The following TREM1 variants were observed in gnomAD, a reference collection of about 807,000 sequenced individuals.
TREM1 encodes triggering receptor expressed on monocytes 1.
Under a neutral mutation model 22.4 loss-of-function variants are expected in TREM1, and 16 were observed. The ratio of observed to expected loss-of-function variants is 0.71; its 90% CI spans 0.48 to 1.08. The LOEUF (loss-of-function observed/expected upper bound fraction) is 1.08, where lower values mean the gene tolerates loss of function less well. Ranked by LOEUF, TREM1 falls within the 50% of genes least tolerant of loss-of-function variation. TREM1 has a pLI of 0.00. For synonymous variants in TREM1, 110 were observed against 111.6 expected, an observed-to-expected ratio of 0.99 and a Z score of 0.09; for missense variants, 283 against 282.9, an observed-to-expected ratio of 1.00 and a Z score of 0.00.
At chr6:41,272,515 G>T (rs529605158), downstream of TREM1, among the ~76,000 whole-genome samples, 657 of 152,282 alleles carry the variant, frequency 4.3e-3, 4 homozygotes, top group Non-Finnish European at 4.8e-3. Flanking sequence ...CACTCAGGAA[G>T]TGTGGCAGAC....
rs145353466 is a variant in TREM1 at position 41,268,483 on chromosome 6, C to A, written c.600-395G>T. On this transcript the variant is annotated intron_variant, in intron 3 of 3. Coordinates refer to the TREM1 transcript ENST00000589614. Reference sequence around the variant, plus strand: ...CAATGATGGATTCATACCAGAAGGACCAAGCCATCCACTGGTGCCTGAATT... The same window carrying A: ...CAATGATGGATTCATACCAGAAGGAACAAGCCATCCACTGGTGCCTGAATT... Among the ~76,000 whole-genome samples, 721 of 152,300 alleles carry A rather than the reference C, an allele frequency of 4.7e-3. 3 individuals carry two copies. Among genetic ancestry groups the A allele is most frequent in the African/African-American group, 0.015 (608 of 41,552 alleles).
intron 3 of TREM1, chr6:41,280,757 G>A (rs1169389172): frequency 2.1e-6 from 3 of 1,444,450 alleles, no homozygotes; most frequent in Non-Finnish European, 2.7e-6. Flanking sequence ...GAACTGGGGA[G>A]AAGGACAGCC....
chr6:41,286,088 C>T (rs996643691), intron 1 of TREM1, among the ~76,000 whole-genome samples: 7 of 152,310 alleles, frequency 4.6e-5, no homozygotes, highest in African/African-American at 1.7e-4. Context: ...CTGTGCCCTC[C>T]AACCCCAGCG....
Position 41,275,847 on chromosome 6 carries a change from T to G in TREM1, c.*278A>C. 1 of 486,104 alleles carries G rather than the reference T, an allele frequency of 2.1e-6. No individual in the cohort carries two copies. The highest frequency in any genetic ancestry group is 3.8e-6 in the Non-Finnish European group (1 of 265,658). 30.1% of individuals were successfully genotyped at this position (486,104 alleles called of 1,614,324 possible). ...AATTACGGTGAAAAGCATTGAGCTG[T>G]CTGTATTTCATGCCAACCCCAAGTG... On this transcript the variant is annotated 3_prime_UTR_variant, in exon 4 of 4. Transcript: ENST00000244709.
chr6:41,279,079 C>T (rs2113982552), intron 3 of TREM1, among the ~76,000 whole-genome samples: 1 of 152,368 alleles, frequency 6.6e-6, no homozygotes, highest in African/African-American at 2.4e-5. Flanking sequence ...AGCCCTCCCC[C>T]TTCCACCACG....
downstream of TREM1, among the ~76,000 whole-genome samples, chr6:41,271,694 G>A (rs1424257103): frequency 2.0e-5 from 3 of 152,152 alleles, no homozygotes; most frequent in Non-Finnish European, 2.9e-5. Flanking sequence ...GCAGTAGAGG[G>A]ACCTCCAGCT....
exon 4 of TREM1, chr6:41,268,014 T>A (rs1455817397): frequency 2.5e-6 from 1 of 398,658 alleles, no homozygotes; most frequent in Non-Finnish European, 4.4e-6. Flanking sequence ...TATCCGAAAG[T>A]GCCCAGTGTG....
At chr6:41,272,443 G>T (rs1376291840), downstream of TREM1, among the ~76,000 whole-genome samples, 1 of 152,194 alleles carries the variant, frequency 6.6e-6, no homozygotes, top group Non-Finnish European at 1.5e-5. Context: ...AAGCCTTTCT[G>T]CTACATCCTC....
At chr6:41,285,589 G>A (rs3827632) in intron 1 of TREM1, among the ~76,000 whole-genome samples, 1 of 152,024 alleles carries the variant, frequency 6.6e-6, no homozygotes, top group Non-Finnish European at 1.5e-5. Context: ...AAGGAGCATT[G>A]AGGTTAACCC....
At chr6:41,279,315 T>C (rs1431580797) in intron 3 of TREM1, among the ~76,000 whole-genome samples, 3 of 152,244 alleles carry the variant, frequency 2.0e-5, no homozygotes, top group Admixed American at 6.5e-5. Flanking sequence ...ACTTCTACCC[T>C]GGGGAGCGCT....
chr6:41,268,674 A>AGTATGAT, downstream of TREM1, among the ~76,000 whole-genome samples: 1 of 152,342 alleles, frequency 6.6e-6, no homozygotes, highest in Non-Finnish European at 1.5e-5. Context: ...AAGGTCACTA[A>AGTATGAT]GTATGATCAA....
chr6:41,284,872 G>A (rs760974818), intron 1 of TREM1, among the ~76,000 whole-genome samples: 27 of 152,150 alleles, frequency 1.8e-4, no homozygotes, highest in Admixed American at 3.3e-4. Flanking sequence ...GGGAAACCTC[G>A]GAAACAGACC....
chr6:41,268,612 G>A (rs1245983476), downstream of TREM1, among the ~76,000 whole-genome samples: 1 of 152,156 alleles, frequency 6.6e-6, no homozygotes, highest in Non-Finnish European at 1.5e-5. Context: ...CAGAGGGGAA[G>A]CCCCACTGCC....
chr6:41,281,796 C>A (rs1029282560), intron 2 of TREM1: 1 of 158,954 alleles, frequency 6.3e-6, no homozygotes, highest in Non-Finnish European at 1.4e-5. Context: ...GTGCTTCCCT[C>A]AAGCAGTTCT....
At chr6:41,285,662 TA>T (rs1341742695) in intron 1 of TREM1, among the ~76,000 whole-genome samples, 8 of 152,206 alleles carry the variant, frequency 5.3e-5, no homozygotes, top group African/African-American at 1.7e-4. Flanking sequence ...CACAGGTACA[TA>T]ACCTTCAGCC....
chr6:41,269,064 T>C (rs942096242), downstream of TREM1, among the ~76,000 whole-genome samples: 3 of 152,232 alleles, frequency 2.0e-5, no homozygotes, highest in Non-Finnish European at 4.4e-5. Flanking sequence ...ATATTCAGAT[T>C]AGCATATATT....
At chr6:41,280,022 C>G in intron 3 of TREM1, 1 of 979,992 alleles carries the variant, frequency 1.0e-6, no homozygotes, top group African/African-American at 1.7e-5. Flanking sequence ...AAAATATGCA[C>G]TCATTGAAAT....
downstream of TREM1, among the ~76,000 whole-genome samples, chr6:41,272,928 T>G (rs2894433): frequency 6.6e-6 from 1 of 152,182 alleles, no homozygotes; most frequent in Non-Finnish European, 1.5e-5. Flanking sequence ...CTTTTTCTTT[T>G]GGGGGCACAG....
chr6:41,267,805 A>G (rs140330466), downstream of TREM1: 990 of 396,302 alleles, frequency 2.5e-3, 8 homozygotes, highest in South Asian at 0.035. Context: ...GGGCCATGAA[A>G]TAAGGAGTCT....
Sources: allele counts gnomAD v4.1 joint callset (sites outside exome capture counted in the v4.1 genomes callset), GRCh38; gene constraint gnomAD v4.1.1; transcripts MANE v1.5; gene names NCBI Gene and HGNC (gene_info 2026-07-23, HGNC 2026-07-21).